Variants in PEAR1 observed in about 807,000 individuals in gnomAD.
PEAR1 encodes the protein platelet endothelial aggregation receptor 1.
PEAR1 carries 113 observed loss-of-function variants against 131.2 expected under a neutral mutation model. The ratio of observed to expected loss-of-function variants is 0.86; its 90% CI spans 0.74 to 1.01. PEAR1 has a LOEUF of 1.01. PEAR1 is among the 50% of genes least tolerant of loss of function. The pLI is 0.00. For missense variants in PEAR1, 1,408 were observed against 1,391.1 expected (o/e 1.01, Z -0.19); for synonymous variants, 565 against 523.3 (o/e 1.08, Z -1.09).
intron 11 of PEAR1, 120 bp from the exon 12 acceptor site, chr1:156,909,631 G>A (rs551658779): frequency 1.0e-5 from 12 of 1,153,856 alleles, no homozygotes; most frequent in East Asian, 5.1e-5. Flanking sequence ...GTATGGTGCC[G>A]TGAACACCCC....
At chr1:156,905,138 C>T (rs1022637504) in intron 3 of PEAR1, 186 bp from the exon 4 acceptor site, 27 of 1,170,680 alleles carry the variant, frequency 2.3e-5, no homozygotes, top group African/African-American at 3.1e-5. Context: ...AGGTCTCGCT[C>T]TGTCACCCAG....
rs192723373 is a variant in PEAR1, at chr1:156,911,476, G to T, written c.1951+733G>T. Among the ~76,000 whole-genome samples, 683 of 151,666 alleles carry T rather than the reference G, an allele frequency of 4.5e-3. 1 individual carries two copies. Among genetic ancestry groups the T allele is most frequent in the Non-Finnish European group, 6.4e-3 (432 of 67,942 alleles). On this transcript the variant is annotated intron_variant, in intron 15 of 22. Transcript: ENST00000292357. ...TGTATGTTTAGTAGAGACCCCTGGG[G>T]TTTCATCATATTGGCCAGGCTGGTC...
chr1:156,916,207 A>G lies in PEAR1; in HGVS notation c.*1409A>G, dbSNP rs1452805299. On this transcript the variant is annotated 3_prime_UTR_variant, in exon 23 of 23. Transcript: ENST00000292357. ...AGCAGAGAAATTGAAGATTTGTGTC[A>G]ACACTGCTTTAAGCAAATCTGTTGG... is the stretch of plus-strand genomic sequence containing the variant. 1 of 152,220 alleles carries G rather than the reference A, an allele frequency of 6.6e-6. No homozygotes were observed. The highest frequency in any genetic ancestry group is 1.5e-5 in the Non-Finnish European group (1 of 68,040). The allele number at this position is 152,220 out of a possible 1,614,324, so 9.4% of individuals were successfully genotyped here.
At chr1:156,910,131 C>A (rs1442407343) in intron 13 of PEAR1, 23 bp downstream of exon 13, 2 of 1,613,866 alleles carry the variant, frequency 1.2e-6, no homozygotes, top group Non-Finnish European at 1.7e-6. Flanking sequence ...GGGCCCCAGG[C>A]CTACTGTGGA....
At chr1:156,899,377 CTT>C in intron 1 of PEAR1, among the ~76,000 whole-genome samples, 1 of 151,956 alleles carries the variant, frequency 6.6e-6, no homozygotes, top group Non-Finnish European at 1.5e-5. Context: ...GGCATTCTGC[CTT>C]GTCAACCGCA....
At chr1:156,900,842 G>A (rs751882148) in intron 1 of PEAR1, among the ~76,000 whole-genome samples, 3 of 152,128 alleles carry the variant, frequency 2.0e-5, no homozygotes, top group Non-Finnish European at 4.4e-5. Context: ...GGGTCCAGGA[G>A]TGGTCTCATT....
At chr1:156,894,432 A>G (rs1172055222) in intron 1 of PEAR1, among the ~76,000 whole-genome samples, 1 of 152,210 alleles carries the variant, frequency 6.6e-6, no homozygotes, top group East Asian at 1.9e-4. Flanking sequence ...TAAACAGATT[A>G]TCAGTGTCAT....
chr1:156,898,323 T>C (rs1649360412), intron 1 of PEAR1, among the ~76,000 whole-genome samples: 1 of 152,140 alleles, frequency 6.6e-6, no homozygotes, highest in Admixed American at 6.5e-5. Flanking sequence ...TAGCTTCTGT[T>C]TCCTGAGCCA....
At position 156,915,011 on chromosome 1, in the gene PEAR1, C is replaced by T. The variant is rs888535684; in HGVS notation, c.*213C>T. The T allele has an allele frequency of 1.8e-6, 1 of 556,566 alleles. No homozygotes were observed. The highest frequency in any genetic ancestry group is 3.0e-6 in the Non-Finnish European group (1 of 330,314). The allele number at this position is 556,566 out of a possible 1,614,324, so 34.5% of individuals were successfully genotyped here. A position where few individuals can be genotyped will look rare whatever the true frequency, so the allele number is the denominator to read the frequency against. On this transcript the variant is annotated 3_prime_UTR_variant, in exon 23 of 23. Transcript: ENST00000292357. ...GGATGCCTGGCTCCCTTTCCCAACC[C>T]ACTGCTCCCAAGGCCTCCAGGGCCC...
chr1:156,905,400 T>G lies in PEAR1; in HGVS notation c.283T>G (p.Tyr95Asp). 6.2e-7 allele frequency: 1 copy of G among 1,607,742 alleles called. No individual in the cohort carries two copies. The highest frequency in any genetic ancestry group is 8.5e-7 in the Non-Finnish European group (1 of 1,176,946). ...RQRLQCCHGF[Y>D]ESRGFCVPLC... is the part of the protein sequence containing the mutation. Reference sequence around the variant, plus strand: ...GCGCCTGCAGTGCTGCCATGGCTTCTATGAGAGCAGGGGGTTCTGTGTCCG... The same window carrying G: ...GCGCCTGCAGTGCTGCCATGGCTTCGATGAGAGCAGGGGGTTCTGTGTCCG... The change falls in exon 4 of 23, where the codon TAT becomes GAT. Residue 95 changes from tyrosine (Y) to aspartate (D), a missense_variant. Physicochemically the swap from Tyr to Asp is radical, Grantham distance 160. Coordinates refer to ENST00000292357, the MANE Select transcript of PEAR1 (RefSeq NM_001080471.3).
intron 22 of PEAR1, 83 bp downstream of exon 22, chr1:156,914,183 A>G: frequency 6.8e-7 from 1 of 1,461,494 alleles, no homozygotes; most frequent in Non-Finnish European, 9.1e-7. Flanking sequence ...GAGGGAGAAG[A>G]GAAGGCATGA....
At chr1:156,909,131 C>G (rs1436151452) in intron 11 of PEAR1, 95 bp downstream of exon 11, 1 of 1,533,580 alleles carries the variant, frequency 6.5e-7, no homozygotes, top group African/African-American at 1.4e-5. Context: ...GGCAGGGGAG[C>G]GGCTGCAGGG....
intron 14 of PEAR1, 93 bp downstream of exon 14, chr1:156,910,473 A>G (rs1036180430): frequency 1.9e-6 from 3 of 1,538,636 alleles, no homozygotes; most frequent in Non-Finnish European, 2.6e-6. Context: ...CCCGCCGCCC[A>G]CCTCTCCCAC....
At chr1:156,900,904 T>G (rs1649614788) in intron 1 of PEAR1, among the ~76,000 whole-genome samples, 1 of 152,054 alleles carries the variant, frequency 6.6e-6, no homozygotes, top group Admixed American at 6.5e-5. Flanking sequence ...AATGGGCCCA[T>G]TGCTGCTGTG....
intron 3 of PEAR1, chr1:156,905,085 G>GT: frequency 1.5e-6 from 2 of 1,324,770 alleles, no homozygotes; most frequent in African/African-American, 1.9e-5. Context: ...GTGGGGTTGG[G>GT]GGGGGGGCAA....
Position 156,908,881 on chromosome 1 carries a change from T to C in PEAR1, c.1291-35T>C. The C allele has an allele frequency of 6.2e-7, 1 of 1,609,598 alleles. No homozygotes were observed. The highest frequency in any genetic ancestry group is 8.5e-7 in the Non-Finnish European group (1 of 1,179,300). ...CGAGGCAGGTGGAGAGGCCAAGGAA[T>C]GGGCCGCCCCTCTCACCCGCTCACC... On this transcript the variant is annotated intron_variant, in intron 10 of 22. Transcript: ENST00000292357. This position sits in a 1 kb window ranked among gnomAD's most constrained non-coding sequence, Gnocchi z 4.2.
intron 1 of PEAR1, among the ~76,000 whole-genome samples, chr1:156,899,432 GGGA>G (rs1447312562): frequency 6.6e-6 from 1 of 152,142 alleles, no homozygotes; most frequent in Non-Finnish European, 1.5e-5. Flanking sequence ...ATCGTTTTGG[GGGA>G]TCAGGTTCTC....
chr1:156,910,318 G>C lies in PEAR1; in HGVS notation c.1763G>C (p.Cys588Ser). ...NTCTCKNGGT[C>S]LPENGNCVCA... is the part of the protein sequence containing the mutation. ...TGCACCTGCAAGAATGGGGGCACCT[G>C]TCTCCCTGAGAATGGCAACTGCGTG... The change falls in exon 14 of 23, where the codon TGT becomes TCT. Residue 588 changes from cysteine to serine, a missense_variant. Coordinates refer to ENST00000292357, the MANE Select transcript of PEAR1 (RefSeq NM_001080471.3). 6.2e-7 allele frequency: 1 copy of C among 1,613,296 alleles called. No individual in the cohort carries two copies. Among genetic ancestry groups the C allele is most frequent in the Non-Finnish European group, 8.5e-7 (1 of 1,179,656 alleles).
At chr1:156,905,481 G>A (rs1650191722) in intron 4 of PEAR1, 57 bp downstream of exon 4, 3 of 1,473,906 alleles carry the variant, frequency 2.0e-6, no homozygotes, top group Non-Finnish European at 2.7e-6. Flanking sequence ...GGGGAGCTTA[G>A]CCTACTCTTC....
Sources: gnomAD v4.1 joint callset for allele counts (sites outside exome capture counted in the v4.1 genomes callset) on GRCh38, gnomAD v4.1.1 for gene constraint, Gnocchi (gnomAD v3.1) non-coding constraint, MANE v1.5 for transcripts, NCBI Gene and HGNC (gene_info 2026-07-23, HGNC 2026-07-21) for gene names.